Variants in SPTLC1 observed in about 807,000 individuals in gnomAD.
SPTLC1 encodes the protein serine palmitoyltransferase long chain base subunit 1.
A neutral mutation model predicts 68.9 loss-of-function variants in SPTLC1; 55 were observed. The ratio of observed to expected loss-of-function variants is 0.80; its 90% CI spans 0.64 to 1.00. The LOEUF (loss-of-function observed/expected upper bound fraction) is 1.00, where lower values mean the gene tolerates loss of function less well. Ranked by LOEUF, SPTLC1 falls within the 50% of genes least tolerant of loss-of-function variation. The probability of loss-of-function intolerance (pLI) is 0.00; values close to 1 mark genes in which losing one functional copy is unlikely to be tolerated. For synonymous variants in SPTLC1, 197 were observed against 201.6 expected (o/e 0.98, Z 0.19); for missense variants, 449 against 573.1 (o/e 0.78, Z 2.21).
Position 92,060,615 on chromosome 9 carries a change from A to T in SPTLC1, c.561-1307T>A, listed in dbSNP as rs1362527894. Among the ~76,000 whole-genome samples the T allele has an allele frequency of 2.0e-5, 3 of 152,142 alleles. No homozygotes were observed. In the East Asian group the frequency reaches 5.8e-4, roughly 29 times the overall value. The stretch of plus-strand genomic sequence containing the variant: ...TGAACTGAGACAAGCAATAGAAATT[A>T]TTCACTGACAGCCGGGCGCAGTGGC... On this transcript the variant is annotated intron_variant, in intron 6 of 14. Coordinates refer to ENST00000262554, the MANE Select transcript of SPTLC1 (RefSeq NM_006415.4).
chr9:92,042,728 C>G (rs1417818401), intron 12 of SPTLC1, among the ~76,000 whole-genome samples: 1 of 152,076 alleles, frequency 6.6e-6, no homozygotes, highest in African/African-American at 2.4e-5. Context: ...TATTCCAAAA[C>G]AGTGATAAAA....
At chr9:92,034,124 C>T (rs1025349098) in intron 14 of SPTLC1, among the ~76,000 whole-genome samples, 2 of 152,200 alleles carry the variant, frequency 1.3e-5, no homozygotes, top group Non-Finnish European at 2.9e-5. Context: ...ACAGGATGCC[C>T]GACACACACA....
At chr9:92,096,777 T>G (rs1017298839) in intron 3 of SPTLC1, among the ~76,000 whole-genome samples, 2 of 152,048 alleles carry the variant, frequency 1.3e-5, no homozygotes, top group African/African-American at 4.8e-5. Context: ...AAGCCAAAGT[T>G]TTTACAGATG....
chr9:92,066,599 C>T (rs944068953), intron 6 of SPTLC1, among the ~76,000 whole-genome samples: 10 of 152,108 alleles, frequency 6.6e-5, no homozygotes, highest in Admixed American at 6.5e-4. Flanking sequence ...ATGCAGAGCT[C>T]ACAAGATCAT....
intron 5 of SPTLC1, among the ~76,000 whole-genome samples, chr9:92,071,137 CCCAGCACTT>C (rs963062664): frequency 4.0e-5 from 6 of 151,204 alleles, no homozygotes; most frequent in Non-Finnish European, 7.4e-5. Flanking sequence ...CACCTGTAAT[CCCAGCACTT>C]CGGGAGGCCG....
rs771682583 is a variant in SPTLC1, at chr9:92,059,174, C to T, written c.690+5G>A. The T allele has an allele frequency of 1.9e-6, 3 of 1,611,962 alleles. No individual in the cohort carries two copies. The highest frequency in any genetic ancestry group is 1.7e-6 in the Non-Finnish European group (2 of 1,179,408). On this transcript the variant is annotated splice_donor_5th_base_variant and intron_variant, in intron 7 of 14. Transcript: ENST00000262554. ...ACTGTATAATTTTCTTCAAAAGAAT[C>T]ATACCTTTTGATCTTCGATCTCTTG...
intron 12 of SPTLC1, among the ~76,000 whole-genome samples, chr9:92,043,967 T>A (rs1367919648): frequency 6.6e-6 from 1 of 152,168 alleles, no homozygotes; most frequent in Non-Finnish European, 1.5e-5. Context: ...TCCTGTCACA[T>A]TGGCCTCTTT....
intron 3 of SPTLC1, among the ~76,000 whole-genome samples, chr9:92,087,500 G>C (rs560447650): frequency 1.3e-5 from 2 of 152,224 alleles, no homozygotes; most frequent in Non-Finnish European, 2.9e-5. Context: ...GAGTTTGCTA[G>C]AGGTCCACTC....
At chr9:92,072,914 G>A (rs1834549132) in intron 5 of SPTLC1, among the ~76,000 whole-genome samples, 1 of 151,808 alleles carries the variant, frequency 6.6e-6, no homozygotes, top group Admixed American at 6.6e-5. Flanking sequence ...CACTGGGGAT[G>A]CTGACTCCTC....
At chr9:92,114,030 T>A (rs1476082286) in intron 1 of SPTLC1, among the ~76,000 whole-genome samples, 1 of 152,034 alleles carries the variant, frequency 6.6e-6, no homozygotes, top group Non-Finnish European at 1.5e-5. Context: ...TCCCAGCACT[T>A]TGGGAGGCCA....
chr9:92,081,112 T>C (rs922969344), intron 3 of SPTLC1, 149 bp from the exon 4 acceptor site: 22 of 649,314 alleles, frequency 3.4e-5, no homozygotes, highest in Admixed American at 9.8e-5. Flanking sequence ...GAAGTAATAT[T>C]AGAGCATGGT....
In SPTLC1 at chr9:92,100,727, C is replaced by T. The variant is rs117723580; in HGVS notation, c.260+8013G>A. On this transcript the variant is annotated intron_variant, in intron 3 of 14. Transcript: ENST00000262554. ...TAGGCATGCAGCTTCCTGACACCGC[C>T]GCCTTCTCCCCCAGCCCCCAGTCCT... Among the ~76,000 whole-genome samples, 91 of 152,022 alleles carry T rather than the reference C, an allele frequency of 6.0e-4. 2 individuals are homozygous for T. The East Asian group carries it at 0.015, about 25-fold the overall frequency.
chr9:92,040,796 CCTGAGGTCCAGATCTAA>C (rs1178638554), intron 12 of SPTLC1, among the ~76,000 whole-genome samples: 1 of 151,742 alleles, frequency 6.6e-6, no homozygotes, highest in Non-Finnish European at 1.5e-5. Context: ...ATACAAGGCA[CCTGAGGTCCAGATCTAA>C]CTTGTGCTTT....
At chr9:92,075,616 T>G (rs977191474) in intron 5 of SPTLC1, among the ~76,000 whole-genome samples, 2 of 152,210 alleles carry the variant, frequency 1.3e-5, no homozygotes, top group African/African-American at 2.4e-5. Flanking sequence ...CTGGCCGTCA[T>G]GCCTGCATGC....
chr9:92,078,402 T>C (rs1417973419), intron 5 of SPTLC1, among the ~76,000 whole-genome samples: 3 of 152,204 alleles, frequency 2.0e-5, no homozygotes, highest in Non-Finnish European at 4.4e-5. Context: ...GGCTCTGATA[T>C]GAGCTTATTT....
At chr9:92,083,726 T>C (rs555820380) in intron 3 of SPTLC1, among the ~76,000 whole-genome samples, 8 of 152,072 alleles carry the variant, frequency 5.3e-5, no homozygotes, top group African/African-American at 1.7e-4. Context: ...CGATGTGGGC[T>C]CTTTTTTGGT....
At chr9:92,059,052 G>T in intron 7 of SPTLC1, 127 bp downstream of exon 7, 1 of 1,111,488 alleles carries the variant, frequency 9.0e-7, no homozygotes, top group Non-Finnish European at 1.3e-6. Flanking sequence ...CATTTAATAA[G>T]CAGGAACACC....
intron 3 of SPTLC1, among the ~76,000 whole-genome samples, chr9:92,083,594 A>G (rs1269694674): frequency 6.6e-6 from 1 of 152,094 alleles, no homozygotes; most frequent in East Asian, 1.9e-4. Flanking sequence ...TGTTCCATTG[A>G]TCTATATCTC....
At chr9:92,094,890 T>G (rs1304447031) in intron 3 of SPTLC1, among the ~76,000 whole-genome samples, 1 of 152,174 alleles carries the variant, frequency 6.6e-6, no homozygotes, top group Non-Finnish European at 1.5e-5. Context: ...AGTTCACTGG[T>G]ACATAAGCAA....
Sources: allele counts gnomAD v4.1 joint callset (sites outside exome capture counted in the v4.1 genomes callset), GRCh38; gene constraint gnomAD v4.1.1; transcripts MANE v1.5; gene names NCBI Gene and HGNC (gene_info 2026-07-23, HGNC 2026-07-21).